TENM1: variants seen among roughly 807,000 people sequenced by gnomAD.
TENM1 encodes teneurin-1.
TENM1 carries 35 observed loss-of-function variants against 174.8 expected under a neutral mutation model. The observed-to-expected ratio is 0.20, with a 90% CI of 0.15 to 0.27. TENM1 has a LOEUF of 0.27. TENM1 is among the 10% of genes least tolerant of loss of function. TENM1 has a pLI of 1.00. For synonymous variants in TENM1, 781 were observed against 798.7 expected (o/e 0.98, Z 0.37); for missense variants, 1,633 against 2,130.1 (o/e 0.77, Z 4.59).
chrX:124,687,225 C>A (rs2052389002), intron 5 of TENM1, among the ~76,000 whole-genome samples: 1 of 111,649 alleles, frequency 9.0e-6, no homozygotes, highest in Non-Finnish European at 1.9e-5. Flanking sequence ...AGCATGGTAT[C>A]AAAACAGACA....
At chrX:124,798,179 T>C (rs2055352455) in intron 3 of TENM1, among the ~76,000 whole-genome samples, 2 of 112,105 alleles carry the variant, frequency 1.8e-5, no homozygotes, top group Admixed American at 1.9e-4. Flanking sequence ...TATAGTAGAA[T>C]GATTTATAAT....
At chrX:124,523,595 A>G in exon 17 of TENM1, 1 of 1,211,863 alleles carries the variant, frequency 8.3e-7, no homozygotes, top group Non-Finnish European at 1.1e-6. Flanking sequence ...TTAAGATGAC[A>G]GAGATGCCAC....
At chrX:125,035,061 T>C in the TENM1 span, among the ~76,000 whole-genome samples, 15 of 112,062 alleles carry the variant, frequency 1.3e-4, no homozygotes, top group Non-Finnish European at 9.4e-5. Context: ...TTAATGCTTA[T>C]ACATACTGCT....
chrX:124,890,189 T>A (rs928927924), intron 3 of TENM1, among the ~76,000 whole-genome samples: 4 of 112,476 alleles, frequency 3.6e-5, no homozygotes, highest in Non-Finnish European at 3.8e-5. Flanking sequence ...ACAATTTTTA[T>A]TTTCACATTT....
chrX:124,383,904 C>G, exon 30 of TENM1: 1 of 1,211,298 alleles, frequency 8.3e-7, no homozygotes, highest in South Asian at 1.8e-5. Flanking sequence ...TATAGTATCT[C>G]CTTTATGACC....
chrX:124,643,004 A>G (rs145796289), intron 10 of TENM1, among the ~76,000 whole-genome samples: 1,580 of 111,817 alleles, frequency 0.014, 20 homozygotes, highest in African/African-American at 0.049. Flanking sequence ...AAGCACTATT[A>G]TAATTGGTGT....
chrX:124,963,780 G>A, exon 1 of TENM1: 1 of 1,144,880 alleles, frequency 8.7e-7, no homozygotes, highest in African/African-American at 1.8e-5. Flanking sequence ...TCAGTTTCAT[G>A]AAAAAAAGGA....
At chrX:124,571,753 G>A (rs2049058202) in intron 11 of TENM1, among the ~76,000 whole-genome samples, 1 of 111,340 alleles carries the variant, frequency 9.0e-6, no homozygotes, top group Non-Finnish European at 1.9e-5. Flanking sequence ...AGAAGAAATA[G>A]AAAACCTGAG....
At chrX:124,831,669 C>T (rs190971382) in intron 3 of TENM1, among the ~76,000 whole-genome samples, 8 of 111,765 alleles carry the variant, frequency 7.2e-5, no homozygotes, top group African/African-American at 2.6e-4. Flanking sequence ...ACAATGAAAC[C>T]CAAAGTTGAC....
intron 22 of TENM1, among the ~76,000 whole-genome samples, chrX:124,460,219 C>T (rs1043682003): frequency 2.7e-5 from 3 of 111,480 alleles, no homozygotes; most frequent in Non-Finnish European, 5.7e-5. Context: ...CCAGCAGTCC[C>T]CTTACTGGGT....
chrX:125,103,569 G>T, the TENM1 span, among the ~76,000 whole-genome samples: 1 of 111,742 alleles, frequency 8.9e-6, no homozygotes, highest in Non-Finnish European at 1.9e-5. Context: ...TGATATTAAG[G>T]GGGTTGCTCT....
At chrX:124,945,766 C>T (rs1445924607) in intron 1 of TENM1, among the ~76,000 whole-genome samples, 1 of 110,871 alleles carries the variant, frequency 9.0e-6, no homozygotes, top group Non-Finnish European at 1.9e-5. Context: ...AAAAAGCAGA[C>T]AGTGAAAGAA....
At chrX:125,173,457 T>C in the TENM1 span, among the ~76,000 whole-genome samples, 1 of 110,929 alleles carries the variant, frequency 9.0e-6, no homozygotes, top group Non-Finnish European at 1.9e-5. Context: ...TCAACATATA[T>C]TCATTAAATA....
At chrX:124,625,685 G>T (rs974839807) in intron 11 of TENM1, among the ~76,000 whole-genome samples, 1 of 110,838 alleles carries the variant, frequency 9.0e-6, no homozygotes, top group African/African-American at 3.3e-5. Flanking sequence ...GGGGAGGAAG[G>T]TGTCTCACAT....
chrX:125,184,183 G>A, the TENM1 span, among the ~76,000 whole-genome samples: 1 of 111,515 alleles, frequency 9.0e-6, no homozygotes, highest in South Asian at 3.7e-4. Flanking sequence ...CATTCTTTGG[G>A]TCTGTCAGGC....
chrX:124,780,237 G>A (rs187921085), intron 3 of TENM1, among the ~76,000 whole-genome samples: 15 of 111,935 alleles, frequency 1.3e-4, no homozygotes, highest in Admixed American at 5.7e-4. Flanking sequence ...AAATATCTCC[G>A]GTTAAAATTA....
At chrX:124,647,754 TTTG>T (rs1569364305) in intron 8 of TENM1, among the ~76,000 whole-genome samples, 4 of 109,424 alleles carry the variant, frequency 3.7e-5, no homozygotes, top group African/African-American at 1.3e-4. Flanking sequence ...TGTGTGTGTG[TTTG>T]TGTGTGTGTG....
the TENM1 span, among the ~76,000 whole-genome samples, chrX:124,997,402 T>C: frequency 9.0e-6 from 1 of 111,395 alleles, no homozygotes; most frequent in East Asian, 2.8e-4. Context: ...GAAATCCAAA[T>C]GGCAGCAAAT....
chrX:125,193,054 T>C, the TENM1 span, among the ~76,000 whole-genome samples: 1 of 110,953 alleles, frequency 9.0e-6, no homozygotes, highest in Admixed American at 9.7e-5. Flanking sequence ...ATGGCATTTA[T>C]AAAATTATTT....
Sources: allele counts gnomAD v4.1 joint callset (sites outside exome capture counted in the v4.1 genomes callset), GRCh38; gene constraint gnomAD v4.1.1; transcripts MANE v1.5; gene names NCBI Gene and HGNC (gene_info 2026-07-23, HGNC 2026-07-21).